Variants in RUBCN observed in about 807,000 individuals in gnomAD.
The protein encoded by RUBCN is rubicon autophagy regulator.
Under a neutral mutation model 113.2 loss-of-function variants are expected in RUBCN, and 74 were observed. The ratio of observed to expected loss-of-function variants is 0.65; its 90% CI spans 0.54 to 0.79. RUBCN has a LOEUF of 0.79. Among genes scored for constraint, RUBCN ranks in the 30% least tolerant of loss-of-function variants. The pLI is 0.00. For synonymous variants in RUBCN, 480 were observed against 490.0 expected (o/e 0.98, Z 0.27); for missense variants, 1,109 against 1,251.7 (o/e 0.89, Z 1.72).
chr3:197,739,965 G>C (rs891251633), upstream of RUBCN, among the ~76,000 whole-genome samples: 1 of 152,072 alleles, frequency 6.6e-6, no homozygotes, highest in African/African-American at 2.4e-5. Context: ...GTTTGAACCC[G>C]TGAGGTAGAG....
At chr3:197,684,314 G>A in intron 11 of RUBCN, 97 bp from the exon 12 acceptor site, 3 of 899,792 alleles carry the variant, frequency 3.3e-6, no homozygotes, top group South Asian at 1.3e-5. Context: ...AGCTCTCAGG[G>A]TAACAGCCAG....
rs1051273692 is a variant in RUBCN, at chr3:197,669,359, C to T, written c.*5659G>A. ...CGTATCTGCTTAGTCTCCTCTCGTC[C>T]GTGACGGCATCTCTTTCCTTGTTTT... On this transcript the variant is annotated 3_prime_UTR_variant, in exon 20 of 20. Transcript: ENST00000296343. 2.6e-5 allele frequency among the ~76,000 whole-genome samples: 4 copies of T among 152,180 alleles called. No homozygotes were observed. The highest frequency in any genetic ancestry group is 9.7e-5 in the African/African-American group (4 of 41,446).
At chr3:197,695,808 G>T in intron 9 of RUBCN, 58 bp downstream of exon 9, 1 of 1,461,846 alleles carries the variant, frequency 6.8e-7, no homozygotes, top group South Asian at 1.1e-5. Context: ...TGGCACCACA[G>T]ACCTTCAGAC....
Position 197,704,640 on chromosome 3 carries a change from G to T in RUBCN, c.365C>A (p.Ala122Asp). 6.2e-7 allele frequency: 1 copy of T among 1,614,190 alleles called. No homozygotes were observed. Among genetic ancestry groups the T allele is most frequent in the Non-Finnish European group, 8.5e-7 (1 of 1,180,022 alleles). ...SADGASERAV[A>D]ELWLQHSLQY... is the part of the protein sequence containing the mutation. ...CAGGCTGTGCTGCAGCCACAGCTCGGCAACAGCACGTTCACTGGCACCATC... is the reference window on the plus strand; with the variant it reads ...CAGGCTGTGCTGCAGCCACAGCTCGTCAACAGCACGTTCACTGGCACCATC... The change falls in exon 4 of 20, where the codon GCC (alanine) becomes GAC (aspartate). Residue 122 changes from alanine (A) to aspartate (D), a missense_variant. By Grantham distance (126) the Ala-to-Asp change is moderately radical. Coordinates refer to ENST00000296343, the MANE Select transcript of RUBCN (RefSeq NM_014687.4).
In RUBCN at chr3:197,686,457, A is replaced by C. The variant is rs577641431; in HGVS notation, c.1787-2240T>G. On this transcript the variant is annotated intron_variant, in intron 11 of 19. Coordinates refer to ENST00000296343, the MANE Select transcript of RUBCN (RefSeq NM_014687.4). ...CTCTGACCCCGGACTGGAGGGAGAG[A>C]AGCACACTCGTCAAAGGGGCCATGA... Among the ~76,000 whole-genome samples, 18 of 152,280 alleles carry C rather than the reference A, an allele frequency of 1.2e-4. No individual in the cohort carries two copies. The South Asian group carries it at 2.5e-3, about 21-fold the overall frequency.
chr3:197,701,577 TA>T (rs1196976955), intron 6 of RUBCN, 130 bp downstream of exon 6: 3 of 765,596 alleles, frequency 3.9e-6, no homozygotes, highest in African/African-American at 3.5e-5. Flanking sequence ...ATATAACTTG[TA>T]AAGATGTCCC....
Position 197,700,962 on chromosome 3 carries a change from C to T in RUBCN, c.912G>A (p.Glu304=). The T allele has an allele frequency of 6.2e-7, 1 of 1,614,180 alleles. No individual in the cohort carries two copies. Residue 304 remains glutamate (E), a synonymous_variant, in exon 7 of 20, where the codon GAG becomes GAA. Coordinates refer to ENST00000296343, the MANE Select transcript of RUBCN (RefSeq NM_014687.4). ...MSSSTLTSPI[E]ASWVSSQNDS... The stretch of plus-strand genomic sequence containing the variant: ...CATTCTGGCTGCTGACCCAGGATGC[C>T]TCTATGGGGCTGGTCAGAGTACTGG...
chr3:197,735,639 T>C (rs1006365323), intron 1 of RUBCN, among the ~76,000 whole-genome samples: 3 of 152,186 alleles, frequency 2.0e-5, no homozygotes, highest in African/African-American at 7.2e-5. Context: ...TCACCCAGGC[T>C]GGAGTGTAGT....
chr3:197,738,971 T>C (rs953918305), upstream of RUBCN, among the ~76,000 whole-genome samples: 2 of 151,952 alleles, frequency 1.3e-5, no homozygotes, highest in Non-Finnish European at 2.9e-5. Flanking sequence ...ATATTATTTA[T>C]TTATTTATTT....
At chr3:197,694,308 T>G in intron 10 of RUBCN, 67 bp downstream of exon 10, 1 of 1,357,854 alleles carries the variant, frequency 7.4e-7, no homozygotes, top group Non-Finnish European at 1.1e-6. Flanking sequence ...ACCACTGGTT[T>G]GGGCACCAGG....
chr3:197,676,740 A>G (rs1720476409), intron 18 of RUBCN, 145 bp downstream of exon 18: 17 of 1,526,212 alleles, frequency 1.1e-5, no homozygotes, highest in Non-Finnish European at 1.5e-5. Flanking sequence ...AGGCTAAGGA[A>G]CAGCAGCCCT....
At chr3:197,738,811 C>G (rs1728374666), upstream of RUBCN, among the ~76,000 whole-genome samples, 1 of 151,612 alleles carries the variant, frequency 6.6e-6, no homozygotes, top group African/African-American at 2.4e-5. Flanking sequence ...AAGCTGGTCT[C>G]AAATTCCTGG....
upstream of RUBCN, among the ~76,000 whole-genome samples, chr3:197,737,959 G>A (rs1728313765): frequency 6.6e-6 from 1 of 152,116 alleles, no homozygotes; most frequent in South Asian, 2.1e-4. Flanking sequence ...CGCAATCATA[G>A]CTCCCTGCAG....
chr3:197,703,545 TACCATGG>T lies in RUBCN; in HGVS notation c.566_570+2del, dbSNP rs1560438474. ...GACGTGGATAATTCCTTGTCCCCTG[TACCATGG>T]ACGCATCGATCTGAGCCAGGAGGCG... On this transcript the variant is annotated splice_donor_variant and coding_sequence_variant, in exon 5 of 20. Transcript: ENST00000296343. LOFTEE classifies it high-confidence loss of function. 6.2e-7 allele frequency: 1 copy of T among 1,600,124 alleles called. No homozygotes were observed. Among genetic ancestry groups the T allele is most frequent in the Non-Finnish European group, 8.6e-7 (1 of 1,167,750 alleles).
Position 197,704,570 on chromosome 3 carries a change from A to G in RUBCN, c.435T>C (p.Asp145=), listed in dbSNP as rs947431172. The G allele has an allele frequency of 3.7e-6, 6 of 1,614,106 alleles. No homozygotes were observed. Among genetic ancestry groups the G allele is most frequent in the African/African-American group, 2.7e-5 (2 of 74,938 alleles). Reference sequence around the variant, plus strand: ...TGTAGAATTTTCTGATATACTGTCTATCCCCGAGCAGGGGCCGGAGCTGGG... The same window carrying G: ...TGTAGAATTTTCTGATATACTGTCTGTCCCCGAGCAGGGGCCGGAGCTGGG... ...LSAQLRPLLG[D]RQYIRKFYTD... The change falls in exon 4 of 20, where the codon GAT becomes GAC. Residue 145 remains aspartate (D), a synonymous_variant. Transcript: ENST00000296343.
At position 197,670,768 on chromosome 3, in the gene RUBCN, G is replaced by A. The variant is rs1027698859; in HGVS notation, c.*4250C>T. 6.6e-6 allele frequency among the ~76,000 whole-genome samples: 1 copy of A among 152,170 alleles called. No individual in the cohort carries two copies. Among genetic ancestry groups the A allele is most frequent in the Non-Finnish European group, 1.5e-5 (1 of 68,026 alleles). On this transcript the variant is annotated 3_prime_UTR_variant, in exon 20 of 20. Coordinates refer to ENST00000296343, the MANE Select transcript of RUBCN (RefSeq NM_014687.4). ...CATATAAATATCATCTTATCTCCTGGTTTAGTCCCTGGCAAGGAAAGAGCT... is the reference window on the plus strand; with the variant it reads ...CATATAAATATCATCTTATCTCCTGATTTAGTCCCTGGCAAGGAAAGAGCT...
chr3:197,729,822 G>A (rs1175346784), intron 1 of RUBCN, among the ~76,000 whole-genome samples: 2 of 152,228 alleles, frequency 1.3e-5, no homozygotes, highest in Admixed American at 1.3e-4. Context: ...GCCTCCCAAA[G>A]TGCTGGGATG....
intron 1 of RUBCN, among the ~76,000 whole-genome samples, chr3:197,719,333 C>T (rs1380101127): frequency 6.6e-6 from 1 of 151,934 alleles, no homozygotes; most frequent in Admixed American, 6.6e-5. Context: ...CAAAAATTAG[C>T]CAGGCGTGGT....
intron 9 of RUBCN, among the ~76,000 whole-genome samples, chr3:197,695,006 G>C (rs1000900464): frequency 6.6e-6 from 1 of 152,258 alleles, no homozygotes; most frequent in South Asian, 2.1e-4. Flanking sequence ...TCTGGAAACA[G>C]TATTTACCTA....
Sources: gnomAD v4.1 joint callset for allele counts (sites outside exome capture counted in the v4.1 genomes callset) on GRCh38, gnomAD v4.1.1 for gene constraint, MANE v1.5 for transcripts, NCBI Gene and HGNC (gene_info 2026-07-23, HGNC 2026-07-21) for gene names.